Variants in LRP1B observed in about 807,000 individuals in gnomAD.
LRP1B encodes the protein low-density lipoprotein receptor-related protein 1B.
Under a neutral mutation model 556.6 loss-of-function variants are expected in LRP1B, and 217 were observed. That is an observed-to-expected ratio of 0.39 (90% CI 0.35 to 0.44). LRP1B has a LOEUF of 0.44. LRP1B is among the 20% of genes least tolerant of loss of function. LRP1B has a pLI of 1.00. For synonymous variants in LRP1B, 2,047 were observed against 1,865.8 expected (o/e 1.10, Z -2.50); for missense variants, 5,053 against 5,620.8 (o/e 0.90, Z 3.23).
rs993280409 is a variant in LRP1B at position 140,950,215 on chromosome 2, T to C, written c.3136+20A>G. 6 of 1,509,294 alleles carry C rather than the reference T, an allele frequency of 4.0e-6. No individual in the cohort carries two copies. In the Admixed American group the frequency reaches 1.4e-4, roughly 34 times the overall value. The allele number at this position is 1,509,294 out of a possible 1,614,324, so 93.5% of individuals were successfully genotyped here. A position where few individuals can be genotyped will look rare whatever the true frequency, so the allele number is the denominator to read the frequency against. On this transcript the variant is annotated intron_variant, in intron 20 of 90. Transcript: ENST00000389484. The stretch of plus-strand genomic sequence containing the variant: ...ATCAACTTTTAAAATGAGATTTCAT[T>C]AATTTATAAAATTACTAACCTTCTT...
intron 2 of LRP1B, among the ~76,000 whole-genome samples, chr2:141,568,933 TG>T (rs1211815801): frequency 6.7e-6 from 1 of 149,782 alleles, no homozygotes; most frequent in Non-Finnish European, 1.5e-5. Flanking sequence ...TTTTTTTTTT[TG>T]TATTTATATT....
intron 60 of LRP1B, among the ~76,000 whole-genome samples, chr2:140,473,355 T>C (rs1286964750): frequency 1.3e-5 from 2 of 151,950 alleles, no homozygotes; most frequent in African/African-American, 2.4e-5. Context: ...CAAAATCAAG[T>C]TTGAAATTTT....
intron 7 of LRP1B, among the ~76,000 whole-genome samples, chr2:141,146,734 G>T (rs899652501): frequency 2.0e-5 from 3 of 152,108 alleles, no homozygotes; most frequent in Non-Finnish European, 2.9e-5. Context: ...TGATATTAAC[G>T]CATAGAAGAT....
intron 1 of LRP1B, among the ~76,000 whole-genome samples, chr2:142,121,099 G>A (rs1462906315): frequency 3.3e-5 from 5 of 152,066 alleles, no homozygotes; most frequent in Non-Finnish European, 7.4e-5. Flanking sequence ...ATAGAATGGT[G>A]CTGCATTCGT....
chr2:141,618,172 C>G lies in LRP1B; in HGVS notation c.206-137639G>C, dbSNP rs564600007. 2.0e-4 allele frequency among the ~76,000 whole-genome samples: 31 copies of G among 152,160 alleles called. 1 individual carries two copies. Among genetic ancestry groups the G allele is most frequent in the African/African-American group, 5.3e-4 (22 of 41,522 alleles). On this transcript the variant is annotated intron_variant, in intron 2 of 90. Transcript: ENST00000389484. ...TAAACAGAAAATTATTGTCCTTTCT[C>G]TGGTGTGCTTTTATTTTTTTTTTCC... is the stretch of plus-strand genomic sequence containing the variant.
intron 18 of LRP1B, among the ~76,000 whole-genome samples, chr2:140,975,592 G>T (rs905996415): frequency 3.9e-5 from 6 of 152,124 alleles, no homozygotes; most frequent in Non-Finnish European, 8.8e-5. Context: ...TTCAAAATGG[G>T]TTGGAACAAG....
intron 3 of LRP1B, among the ~76,000 whole-genome samples, chr2:141,331,545 T>TTTCTTTC: frequency 6.7e-6 from 1 of 149,168 alleles, no homozygotes; most frequent in East Asian, 1.9e-4. Flanking sequence ...TCTTTCTTTC[T>TTTCTTTC]TTCTTTCTTA....
chr2:140,411,790 G>A (rs1573906874), intron 66 of LRP1B, among the ~76,000 whole-genome samples: 1 of 152,162 alleles, frequency 6.6e-6, no homozygotes, highest in East Asian at 1.9e-4. Flanking sequence ...GTATGAGAAA[G>A]TACCTGGCAC....
At chr2:141,695,903 A>T (rs1009621717) in intron 2 of LRP1B, among the ~76,000 whole-genome samples, 1 of 151,938 alleles carries the variant, frequency 6.6e-6, no homozygotes, top group African/African-American at 2.4e-5. Flanking sequence ...CTTCCATTTT[A>T]TGGATGAAAA....
intron 7 of LRP1B, among the ~76,000 whole-genome samples, chr2:141,112,901 T>C (rs1165007725): frequency 6.6e-6 from 1 of 152,220 alleles, no homozygotes; most frequent in African/African-American, 2.4e-5. Context: ...GAAAAATATT[T>C]TTTTAAAAAA....
rs2105154063 is a variant in LRP1B, at chr2:140,867,758, G to A, written c.4411C>T (p.His1471Tyr). The A allele has an allele frequency of 6.2e-7, 1 of 1,610,590 alleles. No homozygotes were observed. Among genetic ancestry groups the A allele is most frequent in the East Asian group, 2.2e-5 (1 of 44,742 alleles). The part of the protein sequence containing the change: ...EIIRGHEYLS[H>Y]PFAVSLYGSE... The stretch of plus-strand genomic sequence containing the variant: ...CCATATAGAGACACAGCAAAGGGAT[G>A]GGAAAGGTATTCATGACCTCGGATG... Residue 1471 changes from histidine (H) to tyrosine (Y), a missense_variant, in exon 27 of 91, where the codon CAT becomes TAT. Around this residue, in one of 5 missense-constraint regions of LRP1B, gnomAD observed 3,619 missense variants for 3,931.9 expected, o/e 0.92. Transcript: ENST00000389484.
chr2:141,515,683 A>G (rs1344638318), intron 2 of LRP1B, among the ~76,000 whole-genome samples: 1 of 152,202 alleles, frequency 6.6e-6, no homozygotes. Flanking sequence ...CTACTCATAA[A>G]GATATGTATG....
chr2:141,423,311 TTTTTTA>T (rs1485351087), intron 3 of LRP1B, among the ~76,000 whole-genome samples: 7 of 128,728 alleles, frequency 5.4e-5, no homozygotes, highest in African/African-American at 5.4e-5. Context: ...TTTTTTTTTT[TTTTTTA>T]AGGGCAAATA....
chr2:141,563,838 T>C (rs1559143180), intron 2 of LRP1B, among the ~76,000 whole-genome samples: 1 of 151,894 alleles, frequency 6.6e-6, no homozygotes, highest in Admixed American at 6.6e-5. Context: ...CTTACGGATA[T>C]AAAGATGGCA....
intron 3 of LRP1B, among the ~76,000 whole-genome samples, chr2:141,359,021 A>ACTT (rs1196940130): frequency 1.3e-5 from 2 of 152,122 alleles, no homozygotes; most frequent in African/African-American, 4.8e-5. Flanking sequence ...CTGAATTTTA[A>ACTT]CTTTTAAAAA....
chr2:141,158,640 A>T (rs564001037), intron 7 of LRP1B, among the ~76,000 whole-genome samples: 1 of 152,196 alleles, frequency 6.6e-6, no homozygotes, highest in East Asian at 1.9e-4. Flanking sequence ...TGTAAGTTAT[A>T]TCTCTTTTCT....
At chr2:141,789,880 G>A (rs1052343808) in intron 2 of LRP1B, among the ~76,000 whole-genome samples, 1 of 151,862 alleles carries the variant, frequency 6.6e-6, no homozygotes, top group African/African-American at 2.4e-5. Flanking sequence ...AGACTAAAAG[G>A]ACTCCAAATG....
intron 2 of LRP1B, among the ~76,000 whole-genome samples, chr2:141,808,853 G>A (rs1022775722): frequency 6.6e-6 from 1 of 152,124 alleles, no homozygotes; most frequent in African/African-American, 2.4e-5. Flanking sequence ...TAAAACATGT[G>A]ATCTTTTTTG....
At chr2:140,645,793 C>T (rs1684463444) in intron 41 of LRP1B, among the ~76,000 whole-genome samples, 1 of 151,954 alleles carries the variant, frequency 6.6e-6, no homozygotes, top group African/African-American at 2.4e-5. Flanking sequence ...CCGCCTCGGC[C>T]TCCCAAAGTG....
Sources: allele counts gnomAD v4.1 joint callset (sites outside exome capture counted in the v4.1 genomes callset), GRCh38; gene constraint gnomAD v4.1.1; regional missense constraint gnomAD v4.1.1; transcripts MANE v1.5; gene names NCBI Gene and HGNC (gene_info 2026-07-23, HGNC 2026-07-21).